NOX3: variants seen among roughly 807,000 people sequenced by gnomAD.
NOX3 encodes the protein NADPH oxidase catalytic subunit-like 3.
In NOX3, 74 loss-of-function variants were observed where a neutral mutation model predicts 76.7. That is an observed-to-expected ratio of 0.96 (90% CI 0.80 to 1.17). NOX3 has a LOEUF of 1.17. NOX3 is among the 50% of genes most tolerant of loss of function. The pLI, the probability that NOX3 is intolerant of heterozygous loss-of-function variation, is 0.00. For synonymous variants in NOX3, 263 were observed against 261.1 expected (o/e 1.01, Z -0.07); for missense variants, 695 against 703.3 (o/e 0.99, Z 0.13).
intron 10 of NOX3, among the ~76,000 whole-genome samples, chr6:155,416,994 G>T (rs117385276): frequency 1.3e-5 from 2 of 151,710 alleles, no homozygotes; most frequent in Non-Finnish European, 1.5e-5. Context: ...CAGGTGTTCC[G>T]CCCACCTCGA....
chr6:155,413,005 G>T (rs987619122), intron 10 of NOX3, among the ~76,000 whole-genome samples: 1 of 152,192 alleles, frequency 6.6e-6, no homozygotes, highest in Admixed American at 6.5e-5. Context: ...TGGTCAAACG[G>T]GGGCTCAATG....
At chr6:155,425,709 G>A (rs1367554990) in intron 9 of NOX3, among the ~76,000 whole-genome samples, 1 of 152,230 alleles carries the variant, frequency 6.6e-6, no homozygotes, top group East Asian at 1.9e-4. Context: ...TACAGATGAG[G>A]AAACTGAGGC....
intron 6 of NOX3, among the ~76,000 whole-genome samples, chr6:155,438,390 A>C (rs1776938320): frequency 1.3e-5 from 2 of 152,258 alleles, no homozygotes; most frequent in African/African-American, 4.8e-5. Flanking sequence ...GCCAGGCAGC[A>C]GAGTACGGGT....
chr6:155,423,019 T>A (rs1035248989), intron 9 of NOX3, among the ~76,000 whole-genome samples, 163 bp from the exon 10 acceptor site: 5 of 152,182 alleles, frequency 3.3e-5, no homozygotes, highest in African/African-American at 1.2e-4. Flanking sequence ...GGGGTTAGCA[T>A]GAGGATTTCC....
chr6:155,425,556 T>A (rs539301507), intron 9 of NOX3, among the ~76,000 whole-genome samples: 1 of 152,324 alleles, frequency 6.6e-6, no homozygotes, highest in East Asian at 1.9e-4. Context: ...CTGTGGTAGG[T>A]GACCATTCTT....
intron 4 of NOX3, among the ~76,000 whole-genome samples, chr6:155,451,171 G>T (rs1479279934): frequency 1.3e-5 from 2 of 152,130 alleles, no homozygotes; most frequent in African/African-American, 4.8e-5. Context: ...TAGAGACAGG[G>T]TTTCACCATG....
chr6:155,432,495 C>T (rs1299171764), intron 7 of NOX3, among the ~76,000 whole-genome samples: 1 of 152,206 alleles, frequency 6.6e-6, no homozygotes, highest in Non-Finnish European at 1.5e-5. Flanking sequence ...TCAGTGCTCC[C>T]TGACCAGTCA....
chr6:155,446,961 A>G (rs1025507178), intron 4 of NOX3, among the ~76,000 whole-genome samples: 45 of 152,168 alleles, frequency 3.0e-4, no homozygotes, highest in South Asian at 8.3e-4. Flanking sequence ...TGCATAATCC[A>G]TATATGATAG....
chr6:155,417,787 G>A (rs1312932759), intron 10 of NOX3, among the ~76,000 whole-genome samples: 2 of 149,474 alleles, frequency 1.3e-5, no homozygotes, highest in Admixed American at 6.6e-5. Context: ...TTTTAGTAGA[G>A]TATGGATTTT....
At chr6:155,420,734 G>A (rs977026303) in intron 10 of NOX3, among the ~76,000 whole-genome samples, 10 of 152,108 alleles carry the variant, frequency 6.6e-5, no homozygotes, top group African/African-American at 2.4e-4. Context: ...TAAGTATGAC[G>A]AAAAGATGGC....
intron 12 of NOX3, among the ~76,000 whole-genome samples, chr6:155,401,888 G>A (rs1000504898): frequency 6.6e-6 from 1 of 151,602 alleles, no homozygotes; most frequent in African/African-American, 2.4e-5. Flanking sequence ...TTAACAGATA[G>A]GTCAAAAGTA....
At chr6:155,449,206 A>G (rs1238863776) in intron 4 of NOX3, among the ~76,000 whole-genome samples, 42 of 152,000 alleles carry the variant, frequency 2.8e-4, no homozygotes, top group Admixed American at 2.8e-3. Flanking sequence ...TGTTATGTTT[A>G]TTGATGTTTG....
chr6:155,411,058 C>T (rs1776543089), intron 11 of NOX3, among the ~76,000 whole-genome samples, 156 bp downstream of exon 11: 1 of 152,160 alleles, frequency 6.6e-6, no homozygotes, highest in South Asian at 2.1e-4. Context: ...ATCACTCTTG[C>T]TAATCTGGTT....
chr6:155,444,285 G>A (rs1341851650), intron 4 of NOX3, among the ~76,000 whole-genome samples: 1 of 152,204 alleles, frequency 6.6e-6, no homozygotes, highest in Admixed American at 6.5e-5. Flanking sequence ...GCCATTCTGA[G>A]TAGCATGATG....
chr6:155,432,108 C>T (rs62429660), intron 7 of NOX3, among the ~76,000 whole-genome samples: 29,810 of 151,714 alleles, frequency 0.2, 3,195 homozygotes, highest in Non-Finnish European at 0.25. Flanking sequence ...TATATATTCA[C>T]GAGGTACATA....
Position 155,454,810 on chromosome 6 carries a change from C to T in NOX3, c.255+1G>A, listed in dbSNP as rs1180675387. On this transcript the variant is annotated splice_donor_variant, in intron 3 of 13. Transcript: ENST00000159060. LOFTEE classifies it high-confidence loss of function. The stretch of plus-strand genomic sequence containing the variant: ...ATTATTTCAGATATTTTAGTACTTA[C>T]AATACTTGTTCCTCTTATGAATGAA... 1 of 1,526,016 alleles carries T rather than the reference C, an allele frequency of 6.6e-7. No individual in the cohort carries two copies. The highest frequency in any genetic ancestry group is 2.0e-5 in the Admixed American group (1 of 49,080). 94.5% of individuals were successfully genotyped at this position (1,526,016 alleles called of 1,614,324 possible). A position where few individuals can be genotyped will look rare whatever the true frequency, so the allele number is the denominator to read the frequency against.
intron 12 of NOX3, among the ~76,000 whole-genome samples, chr6:155,404,555 G>A (rs893952724): frequency 5.9e-5 from 9 of 152,196 alleles, no homozygotes; most frequent in African/African-American, 1.4e-4. Flanking sequence ...AATGAGCCCC[G>A]TGGGGCAAGA....
intron 10 of NOX3, among the ~76,000 whole-genome samples, chr6:155,414,655 T>G (rs1216117520): frequency 7.3e-6 from 1 of 137,580 alleles, no homozygotes; most frequent in East Asian, 2.1e-4. Context: ...TGAGAGGGAG[T>G]CTCTCTCTGT....
rs553659857 is a variant in NOX3, at chr6:155,433,811, C to T, written c.798+2607G>A. ...GACCATGGGTAAGACACTGAAACTG[C>T]TTGGACCTCAATTTCCTCAGCTATT... On this transcript the variant is annotated intron_variant, in intron 7 of 13. Transcript: ENST00000159060. 2.0e-3 allele frequency among the ~76,000 whole-genome samples: 299 copies of T among 152,296 alleles called. 1 individual carries two copies. The highest frequency in any genetic ancestry group is 6.9e-3 in the African/African-American group (285 of 41,554).
Sources: gnomAD v4.1 joint callset for allele counts (sites outside exome capture counted in the v4.1 genomes callset) on GRCh38, gnomAD v4.1.1 for gene constraint, MANE v1.5 for transcripts, NCBI Gene and HGNC (gene_info 2026-07-23, HGNC 2026-07-21) for gene names.